The following SPATA6 variants were observed in gnomAD, a reference collection of about 807,000 sequenced individuals.
SPATA6 encodes spermatogenesis-associated protein 6.
A neutral mutation model predicts 65.3 loss-of-function variants in SPATA6; 56 were observed. The ratio of observed to expected loss-of-function variants is 0.86; its 90% CI spans 0.69 to 1.07. The LOEUF is 1.07. Ranked by LOEUF, SPATA6 falls within the 50% of genes least tolerant of loss-of-function variation. SPATA6 has a pLI of 0.00. For missense variants in SPATA6, 590 were observed against 594.8 expected, an observed-to-expected ratio of 0.99 and a Z score of 0.08; for synonymous variants, 199 against 213.2, an observed-to-expected ratio of 0.93 and a Z score of 0.58.
chr1:48,451,416 TAA>T (rs926392570), intron 3 of SPATA6, 134 bp downstream of exon 3: 1 of 611,818 alleles, frequency 1.6e-6, no homozygotes, highest in Non-Finnish European at 2.7e-6. Flanking sequence ...TAAAAAGTAT[TAA>T]AAAGTCTCAG....
chr1:48,394,067 GAGAA>G (rs1650333700), intron 8 of SPATA6, among the ~76,000 whole-genome samples: 1 of 152,080 alleles, frequency 6.6e-6, no homozygotes. Flanking sequence ...AAGAGAAAAA[GAGAA>G]AGAAAAAGCA....
chr1:48,310,414 C>G (rs1367495037), intron 11 of SPATA6, among the ~76,000 whole-genome samples: 1 of 152,188 alleles, frequency 6.6e-6, no homozygotes, highest in Non-Finnish European at 1.5e-5. Context: ...AGCTAGAGAG[C>G]AGGAGATGGG....
Position 48,298,670 on chromosome 1 carries a change from G to A in SPATA6, c.*43C>T, listed in dbSNP as rs751693618. The stretch of plus-strand genomic sequence containing the variant: ...ATTGATCACATCAAACATTTTCATT[G>A]AGAAATTGACACGGACACTAATGAG... On this transcript the variant is annotated 3_prime_UTR_variant, in exon 13 of 13. Transcript: ENST00000371847. 1.3e-6 allele frequency: 2 copies of A among 1,535,470 alleles called. No homozygotes were observed. Among genetic ancestry groups the A allele is most frequent in the South Asian group, 2.6e-5 (2 of 76,880 alleles).
At chr1:48,347,426 T>C (rs1646395193) in intron 11 of SPATA6, among the ~76,000 whole-genome samples, 1 of 147,660 alleles carries the variant, frequency 6.8e-6, no homozygotes, top group Admixed American at 6.8e-5. Flanking sequence ...ATGCATTATA[T>C]ATACACATAT....
At chr1:48,292,249 G>A (rs995571561), downstream of SPATA6, among the ~76,000 whole-genome samples, 5 of 152,218 alleles carry the variant, frequency 3.3e-5, no homozygotes, top group African/African-American at 1.2e-4. Flanking sequence ...GTGACACTGA[G>A]TCTAATGGCA....
At chr1:48,315,123 G>A (rs973226134) in intron 11 of SPATA6, among the ~76,000 whole-genome samples, 23 of 152,172 alleles carry the variant, frequency 1.5e-4, no homozygotes, top group African/African-American at 5.3e-4. Flanking sequence ...ACAAGGAGGA[G>A]CTGGTACCAT....
intron 9 of SPATA6, among the ~76,000 whole-genome samples, chr1:48,381,844 C>T (rs1416294765): frequency 6.2e-5 from 9 of 145,202 alleles, no homozygotes; most frequent in Non-Finnish European, 9.1e-5. Flanking sequence ...GAGGACCCTG[C>T]GGCCTTGGCC....
intron 3 of SPATA6, among the ~76,000 whole-genome samples, chr1:48,421,619 G>A (rs1653348099): frequency 6.6e-6 from 1 of 151,910 alleles, no homozygotes; most frequent in Admixed American, 6.6e-5. Flanking sequence ...CTGAATATAA[G>A]ATAAATATAT....
chr1:48,400,856 C>A, intron 6 of SPATA6: 2 of 1,262,488 alleles, frequency 1.6e-6, no homozygotes, highest in Non-Finnish European at 1.0e-6. Flanking sequence ...TCAATGATTT[C>A]AAAAAGTAAT....
At chr1:48,364,071 G>C (rs868024139) in intron 9 of SPATA6, among the ~76,000 whole-genome samples, 7 of 151,886 alleles carry the variant, frequency 4.6e-5, no homozygotes, top group Non-Finnish European at 8.8e-5. Context: ...TTGTCCTTGC[G>C]ATAGTTTACT....
chr1:48,427,567 A>G (rs1336372335), intron 3 of SPATA6, among the ~76,000 whole-genome samples: 1 of 152,166 alleles, frequency 6.6e-6, no homozygotes, highest in East Asian at 1.9e-4. Context: ...AAAACAACCT[A>G]ATTTTATAAC....
intron 10 of SPATA6, among the ~76,000 whole-genome samples, chr1:48,356,746 G>A (rs971177717): frequency 4.6e-5 from 7 of 151,690 alleles, no homozygotes; most frequent in Admixed American, 6.6e-5. Context: ...CTCGTGATCC[G>A]CCCACCTTGG....
chr1:48,275,350 G>A, the SPATA6 span, among the ~76,000 whole-genome samples: 1 of 152,116 alleles, frequency 6.6e-6, no homozygotes, highest in Non-Finnish European at 1.5e-5. Flanking sequence ...TTGCCTGATT[G>A]CCCTGGCCAG....
At chr1:48,276,555 A>G in the SPATA6 span, among the ~76,000 whole-genome samples, 6 of 152,184 alleles carry the variant, frequency 3.9e-5, no homozygotes, top group Admixed American at 6.6e-5. Flanking sequence ...ATTCGTTTTA[A>G]AGAACTTATT....
chr1:48,402,901 A>G (rs1028336869), intron 6 of SPATA6, among the ~76,000 whole-genome samples: 3 of 152,178 alleles, frequency 2.0e-5, no homozygotes, highest in Non-Finnish European at 2.9e-5. Flanking sequence ...AGACTAGGCC[A>G]GGCAGATAAG....
At chr1:48,287,364 T>C in the SPATA6 span, among the ~76,000 whole-genome samples, 1 of 152,208 alleles carries the variant, frequency 6.6e-6, no homozygotes, top group African/African-American at 2.4e-5. Context: ...GGGGGTTACA[T>C]TTCAATATGA....
intron 11 of SPATA6, among the ~76,000 whole-genome samples, chr1:48,352,703 A>C (rs1646544215): frequency 6.6e-6 from 1 of 152,000 alleles, no homozygotes; most frequent in Non-Finnish European, 1.5e-5. Flanking sequence ...AAACAGATGA[A>C]AGACATGAGT....
intron 3 of SPATA6, among the ~76,000 whole-genome samples, chr1:48,439,334 C>A (rs930164375): frequency 2.6e-5 from 4 of 152,182 alleles, no homozygotes; most frequent in African/African-American, 9.6e-5. Flanking sequence ...TCTGCTGCTG[C>A]GATGCTGAGC....
chr1:48,470,663 G>C (rs1304268730), intron 1 of SPATA6, among the ~76,000 whole-genome samples: 1 of 152,040 alleles, frequency 6.6e-6, no homozygotes, highest in African/African-American at 2.4e-5. Flanking sequence ...TTTCCTAGGG[G>C]TTTAAGTTCT....
Sources: gnomAD v4.1 joint callset for allele counts (sites outside exome capture counted in the v4.1 genomes callset) on GRCh38, gnomAD v4.1.1 for gene constraint, MANE v1.5 for transcripts, NCBI Gene and HGNC (gene_info 2026-07-23, HGNC 2026-07-21) for gene names.